Variants in TRIM37 observed in about 807,000 individuals in gnomAD.
TRIM37 encodes the protein tripartite motif containing 37.
In TRIM37, 80 loss-of-function variants were observed where a neutral mutation model predicts 129.8. The observed-to-expected ratio is 0.62, with a 90% CI of 0.51 to 0.74. The LOEUF is 0.74. Among genes scored for constraint, TRIM37 ranks in the 30% least tolerant of loss-of-function variants. The probability of loss-of-function intolerance (pLI) is 0.00; values close to 1 mark genes in which losing one functional copy is unlikely to be tolerated. For missense variants in TRIM37, 1,054 were observed against 1,176.5 expected (o/e 0.90, Z 1.52); for synonymous variants, 389 against 387.1 (o/e 1.00, Z -0.06).
At chr17:59,082,374 C>T (rs982729275) in intron 5 of TRIM37, among the ~76,000 whole-genome samples, 3 of 152,214 alleles carry the variant, frequency 2.0e-5, no homozygotes, top group Non-Finnish European at 4.4e-5. Context: ...CTCAGATTTA[C>T]AGGATCAGCT....
chr17:59,054,757 C>T lies in TRIM37; in HGVS notation c.1199+2118G>A, dbSNP rs931564615. ...TCGGTTCACTGCAACCTCCACCTGC[C>T]GGATTCAAGCGATTCTCCTGCCTTG... On this transcript the variant is annotated intron_variant, in intron 13 of 23. Coordinates refer to ENST00000262294, the MANE Select transcript of TRIM37 (RefSeq NM_015294.6). Among the ~76,000 whole-genome samples the T allele has an allele frequency of 6.6e-5, 10 of 152,012 alleles. 1 individual carries two copies. Among genetic ancestry groups the T allele is most frequent in the Admixed American group, 3.3e-4 (5 of 15,260 alleles).
chr17:58,984,978 T>C (rs1027246005), intron 24 of TRIM37: 1 of 152,664 alleles, frequency 6.6e-6, no homozygotes, highest in African/African-American at 2.4e-5. Context: ...CTGCAAAGAA[T>C]TCTCTATGGA....
In TRIM37 at chr17:59,051,215, T is replaced by C; in HGVS notation, c.1313A>G (p.Glu438Gly). Residue 438 changes from glutamate (E) to glycine (G), a missense_variant and splice_region_variant, in exon 14 of 24, where the codon GAG becomes GGG. Around this residue, in one of 3 missense-constraint regions of TRIM37, gnomAD observed 752 missense variants for 870.8 expected, o/e 0.86. Transcript: ENST00000262294. Reference protein sequence around the residue: ...SYIQQINNLKERLTIELSRTQ... With the variant: ...SYIQQINNLKGRLTIELSRTQ... Reference sequence around the variant, plus strand: ...AAACAGAAATAGATATTTTCTTACCTCTTTAAGGTTGTTTATTTGTTGGAT... The same window carrying C: ...AAACAGAAATAGATATTTTCTTACCCCTTTAAGGTTGTTTATTTGTTGGAT... 6.3e-7 allele frequency: 1 copy of C among 1,588,582 alleles called. No individual in the cohort carries two copies. The highest frequency in any genetic ancestry group is 8.6e-7 in the Non-Finnish European group (1 of 1,156,968).
chr17:58,982,812 C>A (rs1450370551), exon 25 of TRIM37: 6 of 1,183,522 alleles, frequency 5.1e-6, no homozygotes, highest in Non-Finnish European at 7.3e-6. Flanking sequence ...GGAACCTTTT[C>A]ATCATTCTGA....
At chr17:59,011,520 C>T (rs376231177) in intron 22 of TRIM37, among the ~76,000 whole-genome samples, 1 of 152,132 alleles carries the variant, frequency 6.6e-6, no homozygotes, top group Non-Finnish European at 1.5e-5. Flanking sequence ...GGTGGAGTTT[C>T]ACTAAGAAAT....
chr17:59,068,481 C>CA (rs2042100770), intron 9 of TRIM37, among the ~76,000 whole-genome samples: 1 of 152,104 alleles, frequency 6.6e-6, no homozygotes, highest in South Asian at 2.1e-4. Context: ...TGTTTCATTC[C>CA]ACAGGGGATG....
intron 2 of TRIM37, among the ~76,000 whole-genome samples, chr17:59,093,963 C>T (rs932107165): frequency 6.6e-6 from 1 of 152,160 alleles, no homozygotes; most frequent in Non-Finnish European, 1.5e-5. Flanking sequence ...GGTGCAATCT[C>T]AACTCACTGC....
chr17:59,035,748 C>CA (rs1318418880), intron 17 of TRIM37, among the ~76,000 whole-genome samples: 2 of 150,702 alleles, frequency 1.3e-5, no homozygotes, highest in African/African-American at 4.9e-5. Context: ...TTCAAAAAAA[C>CA]AAAAAAACAA....
intron 20 of TRIM37, among the ~76,000 whole-genome samples, chr17:59,016,779 G>A (rs1321328448): frequency 6.6e-6 from 1 of 152,050 alleles, no homozygotes; most frequent in South Asian, 2.1e-4. Flanking sequence ...GCAAGACTCT[G>A]TCTCAGGAAA....
At chr17:59,032,148 G>GA (rs1234940285) in intron 17 of TRIM37, 58 bp from the exon 18 acceptor site, 1 of 1,528,176 alleles carries the variant, frequency 6.5e-7, no homozygotes, top group Non-Finnish European at 9.0e-7. Context: ...ATACTTAAAT[G>GA]AAAAAATGAA....
chr17:59,069,372 T>A (rs1441301075), intron 9 of TRIM37, among the ~76,000 whole-genome samples: 1 of 150,870 alleles, frequency 6.6e-6, no homozygotes, highest in African/African-American at 2.4e-5. Context: ...AATAATAAAT[T>A]AAAAAAATAA....
intron 22 of TRIM37, among the ~76,000 whole-genome samples, chr17:59,008,119 G>A (rs1567957204): frequency 6.6e-6 from 1 of 152,168 alleles, no homozygotes; most frequent in Non-Finnish European, 1.5e-5. Flanking sequence ...ATTACAGGAG[G>A]CACAGGGCTT....
At chr17:59,099,762 T>G (rs1257414135) in intron 2 of TRIM37, among the ~76,000 whole-genome samples, 1 of 152,212 alleles carries the variant, frequency 6.6e-6, no homozygotes, top group Non-Finnish European at 1.5e-5. Context: ...GAATTGGAAC[T>G]CTCATAAACT....
At chr17:59,075,738 A>G in intron 7 of TRIM37, 24 bp from the exon 8 acceptor site, 3 of 1,535,414 alleles carry the variant, frequency 2.0e-6, no homozygotes, top group Non-Finnish European at 2.7e-6. Context: ...GTGAATCATC[A>G]ACACTTGGGT....
At chr17:59,088,940 A>T (rs1230484049) in intron 3 of TRIM37, among the ~76,000 whole-genome samples, 1 of 152,244 alleles carries the variant, frequency 6.6e-6, no homozygotes, top group Non-Finnish European at 1.5e-5. Context: ...TATGATTCAG[A>T]ATATGGACTG....
At chr17:59,072,515 G>A (rs372725566) in intron 8 of TRIM37, among the ~76,000 whole-genome samples, 8 of 152,092 alleles carry the variant, frequency 5.3e-5, no homozygotes, top group African/African-American at 1.9e-4. Flanking sequence ...ATCACTTAGG[G>A]TGAGGAGTTC....
At chr17:59,088,644 G>A (rs926669655) in intron 3 of TRIM37, among the ~76,000 whole-genome samples, 2 of 151,738 alleles carry the variant, frequency 1.3e-5, no homozygotes, top group African/African-American at 2.4e-5. Flanking sequence ...AGCCTCCTGA[G>A]TGGCTGGGAC....
chr17:59,055,243 G>A (rs1200802090), intron 13 of TRIM37, among the ~76,000 whole-genome samples: 28 of 149,006 alleles, frequency 1.9e-4, no homozygotes, highest in Admixed American at 1.8e-3. Flanking sequence ...GGCTGAGGCA[G>A]GAGAATCGCT....
chr17:58,970,960 T>G, the TRIM37 span, among the ~76,000 whole-genome samples: 2 of 152,100 alleles, frequency 1.3e-5, no homozygotes. Flanking sequence ...CTTCTCAAAA[T>G]TATGTGTTGT....
Sources: gnomAD v4.1 joint callset for allele counts (sites outside exome capture counted in the v4.1 genomes callset) on GRCh38, gnomAD v4.1.1 for gene constraint, gnomAD v4.1.1 regional missense constraint, MANE v1.5 for transcripts, NCBI Gene and HGNC (gene_info 2026-07-23, HGNC 2026-07-21) for gene names.